The following EPS8L2 variants were observed in gnomAD, a reference collection of about 807,000 sequenced individuals.
EPS8L2 encodes the protein EPS8 signaling adaptor L2.
In EPS8L2, 81 loss-of-function variants were observed where a neutral mutation model predicts 99.4. The observed-to-expected ratio is 0.82, with a 90% CI of 0.68 to 0.98. EPS8L2 has a LOEUF of 0.98. Ranked by LOEUF, EPS8L2 falls within the 50% of genes least tolerant of loss-of-function variation. EPS8L2 has a pLI of 0.00. For missense variants in EPS8L2, 1,155 were observed against 968.8 expected (o/e 1.19, Z -2.55); for synonymous variants, 509 against 407.3 (o/e 1.25, Z -3.01).
rs1296895998 is a variant in EPS8L2, at chr11:714,115, G to T, written c.165+3629G>T. 3.3e-5 allele frequency among the ~76,000 whole-genome samples: 5 copies of T among 152,290 alleles called. No individual in the cohort carries two copies. In the East Asian group the frequency reaches 9.6e-4, roughly 29 times the overall value. ...TTTCTTTTATGGTTTAGGGTTTTTG[G>T]CATCCTAAGAAGTCATCCTTTGACC... On this transcript the variant is annotated intron_variant, in intron 4 of 20. Coordinates refer to ENST00000318562, the MANE Select transcript of EPS8L2 (RefSeq NM_022772.4).
At position 726,771 on chromosome 11, in the gene EPS8L2, G is replaced by A. The variant is rs563009165; in HGVS notation, c.2067+20G>A. 9 of 1,583,726 alleles carry A rather than the reference G, an allele frequency of 5.7e-6. No individual in the cohort carries two copies. In the East Asian group the frequency reaches 6.8e-5, roughly 12 times the overall value. Reference sequence around the variant, plus strand: ...CTGGAGGTGAGCCCGCCTGCGCTCCGGCGCCACGCCCCTCCTGCCCCTGCG... The same window carrying A: ...CTGGAGGTGAGCCCGCCTGCGCTCCAGCGCCACGCCCCTCCTGCCCCTGCG... On this transcript the variant is annotated intron_variant, in intron 20 of 20. Coordinates refer to ENST00000318562, the MANE Select transcript of EPS8L2 (RefSeq NM_022772.4).
Position 721,356 on chromosome 11 carries a change from G to A in EPS8L2, c.768+4G>A. ...TCAGAAGATAGAGAAGGAGACGGTG[G>A]GTGCCCGGGCCCGGCAGGTGGCCCC... On this transcript the variant is annotated splice_donor_region_variant and intron_variant, in intron 9 of 20. Transcript: ENST00000318562. 6.5e-7 allele frequency: 1 copy of A among 1,538,346 alleles called. No homozygotes were observed. Among genetic ancestry groups the A allele is most frequent in the African/African-American group, 1.4e-5 (1 of 72,792 alleles).
intron 4 of EPS8L2, among the ~76,000 whole-genome samples, chr11:719,213 C>T (rs1320264602): frequency 2.0e-5 from 3 of 152,190 alleles, no homozygotes; most frequent in Admixed American, 6.5e-5. Context: ...GTGATCCACC[C>T]GCCTCGGCCT....
chr11:718,479 T>A (rs994037536), intron 4 of EPS8L2, among the ~76,000 whole-genome samples: 1 of 150,172 alleles, frequency 6.7e-6, no homozygotes, highest in African/African-American at 2.5e-5. Flanking sequence ...CATGCTTTTT[T>A]AATTTTTTTT....
chr11:722,154 C>A lies in EPS8L2; in HGVS notation c.1048C>A (p.Pro350Thr), dbSNP rs1862196947. ...AAELVHFLFG[P>T]LDLIVNTCSG... ...GGAGCTCGTGCACTTCCTCTTCGGG[C>A]CTCTGGACCTGGTGCCTGGGGCCGG... Residue 350 changes from proline (P) to threonine (T), a missense_variant, in exon 12 of 21, where the codon CCT becomes ACT. Transcript: ENST00000318562. The A allele has an allele frequency of 1.2e-6, 2 of 1,612,586 alleles. No individual in the cohort carries two copies. Among genetic ancestry groups the A allele is most frequent in the East Asian group, 2.2e-5 (1 of 44,860 alleles).
At chr11:716,184 T>C (rs570187544) in intron 4 of EPS8L2, among the ~76,000 whole-genome samples, 31 of 150,982 alleles carry the variant, frequency 2.1e-4, no homozygotes, top group African/African-American at 7.1e-4. Flanking sequence ...AGTCTCGCTC[T>C]GTCACCCAGG....
At chr11:715,300 G>A (rs1272411656) in intron 4 of EPS8L2, among the ~76,000 whole-genome samples, 3 of 151,976 alleles carry the variant, frequency 2.0e-5, no homozygotes, top group Non-Finnish European at 4.4e-5. Context: ...ATATTTGTTA[G>A]GATTTGCCAG....
intron 12 of EPS8L2, 101 bp from the exon 13 acceptor site, chr11:722,300 G>A (rs755621797): frequency 6.5e-7 from 1 of 1,547,196 alleles, no homozygotes; most frequent in Non-Finnish European, 8.8e-7. Context: ...CACTCTCCCT[G>A]GGGTCCAAAG....
rs1302996468 is a variant in EPS8L2 at position 715,234 on chromosome 11, T to C, written c.165+4748T>C. On this transcript the variant is annotated intron_variant, in intron 4 of 20. Transcript: ENST00000318562. ...TCCAGCCTGGGAGACAGAGTGAGACTCTGTCTCAAAAAAAAAAAAAGAGTT... is the reference window on the plus strand; with the variant it reads ...TCCAGCCTGGGAGACAGAGTGAGACCCTGTCTCAAAAAAAAAAAAAGAGTT... 2.7e-5 allele frequency among the ~76,000 whole-genome samples: 4 copies of C among 148,000 alleles called. No individual in the cohort carries two copies. In the East Asian group the frequency reaches 7.7e-4, roughly 29 times the overall value.
chr11:715,645 G>T (rs1166624574), intron 4 of EPS8L2, among the ~76,000 whole-genome samples: 1 of 139,850 alleles, frequency 7.2e-6, no homozygotes, highest in Admixed American at 7.2e-5. Flanking sequence ...TTTTGAAATG[G>T]AGTCTTGCTC....
In EPS8L2 at chr11:723,353, G is replaced by T; in HGVS notation, c.1454G>T (p.Arg485Met). Residue 485 changes from arginine to methionine, a missense_variant and splice_region_variant, in exon 15 of 21, where the codon AGG (arginine) becomes ATG (methionine). By Grantham distance (91) the Arg-to-Met change is moderately conservative. Coordinates refer to ENST00000318562, the MANE Select transcript of EPS8L2 (RefSeq NM_022772.4). ...CCAGTCAGCTCCCCACATACTCACAGGTAAGCCCCCCTCAAAGTGAGGGAG... is the reference window on the plus strand; with the variant it reads ...CCAGTCAGCTCCCCACATACTCACATGTAAGCCCCCCTCAAAGTGAGGGAG... ...LPPVSSPHTH[R>M]GYQPTPAMAK... The T allele has an allele frequency of 7.1e-6, 10 of 1,412,780 alleles. No individual in the cohort carries two copies. Among genetic ancestry groups the T allele is most frequent in the Non-Finnish European group, 9.7e-6 (10 of 1,033,540 alleles). 87.5% of individuals were successfully genotyped at this position (1,412,780 alleles called of 1,614,324 possible). A position where few individuals can be genotyped will look rare whatever the true frequency, so the allele number is the denominator to read the frequency against.
At chr11:719,358 C>T (rs1017275920) in intron 4 of EPS8L2, among the ~76,000 whole-genome samples, 2 of 148,058 alleles carry the variant, frequency 1.4e-5, no homozygotes, top group East Asian at 1.9e-4. Context: ...CATTGTGCAC[C>T]GAACGGCCAA....
Position 722,011 on chromosome 11 carries a change from C to T in EPS8L2, c.984+20C>T. 3.1e-6 allele frequency: 5 copies of T among 1,606,738 alleles called. No individual in the cohort carries two copies. Among genetic ancestry groups the T allele is most frequent in the Non-Finnish European group, 4.2e-6 (5 of 1,176,666 alleles). On this transcript the variant is annotated intron_variant, in intron 11 of 20. Coordinates refer to ENST00000318562, the MANE Select transcript of EPS8L2 (RefSeq NM_022772.4). Reference sequence around the variant, plus strand: ...TTGCTGGTGGGTCCGGTGGCCCCAGCCCTGCCCCACTGTCTGTGCTGAGGG... The same window carrying T: ...TTGCTGGTGGGTCCGGTGGCCCCAGTCCTGCCCCACTGTCTGTGCTGAGGG...
chr11:709,310 C>T lies in EPS8L2; in HGVS notation c.-78-20C>T. The stretch of plus-strand genomic sequence containing the variant: ...AGCCAGGCCGGAGGAAGTGTCAGCG[C>T]AGCCCTTCTGTCCACCCAGGTGTGG... On this transcript the variant is annotated intron_variant, in intron 1 of 20. Coordinates refer to ENST00000318562, the MANE Select transcript of EPS8L2 (RefSeq NM_022772.4). 1 of 1,392,854 alleles carries T rather than the reference C, an allele frequency of 7.2e-7. No homozygotes were observed. Among genetic ancestry groups the T allele is most frequent in the Non-Finnish European group, 9.9e-7 (1 of 1,011,334 alleles). 86.3% of individuals were successfully genotyped at this position (1,392,854 alleles called of 1,614,324 possible).
chr11:709,904 G>A lies in EPS8L2; in HGVS notation c.100+296G>A, dbSNP rs537841892. On this transcript the variant is annotated intron_variant, in intron 3 of 20. Coordinates refer to ENST00000318562, the MANE Select transcript of EPS8L2 (RefSeq NM_022772.4). ...CAGCGAGGTTCAGGCAGGATAAGCC[G>A]CCAGGTGTCTGCTCCAGGAGGGGGG... is the stretch of plus-strand genomic sequence containing the variant. 4.3e-4 allele frequency: 218 copies of A among 505,652 alleles called. 2 individuals carry two copies. The highest frequency in any genetic ancestry group is 3.8e-3 in the African/African-American group (199 of 51,892). 31.3% of individuals were successfully genotyped at this position (505,652 alleles called of 1,614,324 possible). A position where few individuals can be genotyped will look rare whatever the true frequency, so the allele number is the denominator to read the frequency against.
At position 724,154 on chromosome 11, in the gene EPS8L2, C is replaced by T. The variant is rs1862258373; in HGVS notation, c.1455-570C>T. 6.6e-6 allele frequency among the ~76,000 whole-genome samples: 1 copy of T among 152,182 alleles called. No homozygotes were observed. The highest frequency in any genetic ancestry group is 6.5e-5 in the Admixed American group (1 of 15,280). ...GCCCTGATGACCAGGGCCACACTGA[C>T]CAGGATGGACGGCCTGGCCAGGTGA... On this transcript the variant is annotated intron_variant, in intron 15 of 20. Transcript: ENST00000318562. This position sits in a 1 kb window ranked among gnomAD's most constrained non-coding sequence, Gnocchi z 5.5.
chr11:725,741 G>A lies in EPS8L2; in HGVS notation c.1574G>A (p.Gly525Asp). 1.5e-6 allele frequency: 2 copies of A among 1,328,764 alleles called. No homozygotes were observed. The highest frequency in any genetic ancestry group is 9.6e-7 in the Non-Finnish European group (1 of 1,041,076). The allele number at this position is 1,328,764 out of a possible 1,614,324, so 82.3% of individuals were successfully genotyped here. Residue 525 changes from glycine (G) to aspartate (D), a missense_variant, in exon 17 of 21, where the codon GGC becomes GAC. Transcript: ENST00000318562. ...CGCGCCCCGCAGGTGCTGGAGGACG[G>A]CCGGCAGTGGTGGAAGCTGCGCAGC... ...KDEVLEVLEDGRQWWKLRSRS... is the reference protein window; with the variant it reads ...KDEVLEVLEDDRQWWKLRSRS...
intron 14 of EPS8L2, 61 bp downstream of exon 14, chr11:722,866 TCCCCCCCAGCCCTGACACCCA>T (rs1862222926): frequency 1.1e-6 from 1 of 896,280 alleles, no homozygotes; most frequent in Non-Finnish European, 1.4e-6. Context: ...TCACCAGAGC[TCCCCCCCAGCCCTGACACCCA>T]CCCCTCCCCA....
At chr11:706,652 C>T (rs1401600891) in intron 1 of EPS8L2, 1 of 152,704 alleles carries the variant, frequency 6.5e-6, no homozygotes, top group Non-Finnish European at 1.5e-5. Context: ...GGTAGGGAGG[C>T]TTCTCCCGGT....
Sources: gnomAD v4.1 joint callset for allele counts (sites outside exome capture counted in the v4.1 genomes callset) on GRCh38, gnomAD v4.1.1 for gene constraint, Gnocchi (gnomAD v3.1) non-coding constraint, MANE v1.5 for transcripts, NCBI Gene and HGNC (gene_info 2026-07-23, HGNC 2026-07-21) for gene names.